Variants in LRRC63 observed in about 807,000 individuals in gnomAD.
The protein encoded by LRRC63 is leucine rich repeat containing 63, also known as leucine-rich repeat-containing protein 63.
A neutral mutation model predicts 49.5 loss-of-function variants in LRRC63; 40 were observed. That is an observed-to-expected ratio of 0.81 (90% CI 0.63 to 1.05). The LOEUF (loss-of-function observed/expected upper bound fraction) is 1.05. Among genes scored for constraint, LRRC63 ranks in the 50% least tolerant of loss-of-function variants. LRRC63 has a pLI of 0.00. For synonymous variants in LRRC63, 191 were observed against 221.1 expected (o/e 0.86, Z 1.21); for missense variants, 636 against 663.1 (o/e 0.96, Z 0.45).
chr13:46,273,321 G>A (rs2047784860), intron 9 of LRRC63, among the ~76,000 whole-genome samples: 1 of 152,078 alleles, frequency 6.6e-6, no homozygotes, highest in South Asian at 2.1e-4. Context: ...AAAGGGTAGT[G>A]GACCGGGCGC....
chr13:46,272,951 T>C (rs987286850), intron 9 of LRRC63, among the ~76,000 whole-genome samples: 9 of 152,188 alleles, frequency 5.9e-5, no homozygotes, highest in Admixed American at 6.5e-5. Flanking sequence ...AGAGCTTTAG[T>C]TATTCTAGGG....
intron 7 of LRRC63, among the ~76,000 whole-genome samples, chr13:46,257,512 T>A (rs2047532733): frequency 6.6e-6 from 1 of 152,108 alleles, no homozygotes; most frequent in African/African-American, 2.4e-5. Flanking sequence ...GAGGAGACAG[T>A]CAATATATGT....
intron 9 of LRRC63, among the ~76,000 whole-genome samples, chr13:46,271,912 T>G (rs2047764832): frequency 6.6e-6 from 1 of 151,996 alleles, no homozygotes; most frequent in Admixed American, 6.5e-5. Flanking sequence ...TTAGGCACAG[T>G]AAGAGATAAC....
chr13:46,266,192 A>C (rs944755369), intron 8 of LRRC63, among the ~76,000 whole-genome samples: 2 of 152,228 alleles, frequency 1.3e-5, no homozygotes, highest in Non-Finnish European at 2.9e-5. Context: ...AAGGCAAGTG[A>C]AAATAAGAAA....
chr13:46,258,067 T>C (rs2047544691), intron 7 of LRRC63, among the ~76,000 whole-genome samples: 1 of 151,906 alleles, frequency 6.6e-6, no homozygotes, highest in Non-Finnish European at 1.5e-5. Context: ...CAAGACACTT[T>C]CAGAGGCAAG....
chr13:46,268,722 A>T (rs1053444247), intron 9 of LRRC63, among the ~76,000 whole-genome samples: 8 of 151,718 alleles, frequency 5.3e-5, no homozygotes, highest in Non-Finnish European at 1.0e-4. Flanking sequence ...CAAAGGATGT[A>T]CATCAAAAAA....
intron 9 of LRRC63, among the ~76,000 whole-genome samples, chr13:46,274,694 AT>A (rs892469743): frequency 4.9e-4 from 75 of 152,130 alleles, no homozygotes; most frequent in African/African-American, 1.6e-3. Flanking sequence ...AATGATAGAA[AT>A]TTTTGTTTGT....
At chr13:46,259,366 T>C (rs1469506529) in intron 7 of LRRC63, among the ~76,000 whole-genome samples, 1 of 152,138 alleles carries the variant, frequency 6.6e-6, no homozygotes, top group African/African-American at 2.4e-5. Context: ...CCTGAGGTTA[T>C]GCAGAAACAA....
exon 10 of LRRC63, chr13:46,276,854 A>ATATATATATATATATT (rs1555330631): frequency 0.016 from 1,867 of 117,760 alleles, 33 homozygotes; most frequent in Non-Finnish European, 0.022. Flanking sequence ...ATATATATTT[A>ATATATATATATATATT]TATATATATA....
chr13:46,267,199 G>A (rs1354789315), intron 9 of LRRC63, among the ~76,000 whole-genome samples: 1 of 152,164 alleles, frequency 6.6e-6, no homozygotes, highest in Non-Finnish European at 1.5e-5. Context: ...CTTAAATCCA[G>A]TGTGAAATAT....
At chr13:46,248,942 AT>A in intron 6 of LRRC63, among the ~76,000 whole-genome samples, 1 of 151,994 alleles carries the variant, frequency 6.6e-6, no homozygotes, top group South Asian at 2.1e-4. Context: ...ACAAAAGTCT[AT>A]TTTTGGCTAC....
intron 5 of LRRC63, among the ~76,000 whole-genome samples, chr13:46,238,470 T>A (rs1230461): frequency 0.76 from 115,294 of 151,226 alleles, 45,109 homozygotes; most frequent in East Asian, 0.97. Context: ...GGTAATTTAT[T>A]AAAAAAAAAG....
intron 4 of LRRC63, among the ~76,000 whole-genome samples, chr13:46,231,388 G>A (rs957765517): frequency 1.3e-5 from 2 of 152,204 alleles, no homozygotes; most frequent in East Asian, 3.8e-4. Flanking sequence ...GCATTCCCTT[G>A]GCTTTTGGGG....
At chr13:46,271,955 A>AAAT (rs1219097240) in intron 9 of LRRC63, among the ~76,000 whole-genome samples, 2 of 152,086 alleles carry the variant, frequency 1.3e-5, no homozygotes, top group Non-Finnish European at 2.9e-5. Flanking sequence ...ATAACTAATA[A>AAAT]AATAATAATA....
intron 4 of LRRC63, among the ~76,000 whole-genome samples, chr13:46,230,475 A>G (rs2046716037): frequency 6.6e-6 from 1 of 152,186 alleles, no homozygotes; most frequent in Non-Finnish European, 1.5e-5. Flanking sequence ...AAACCTCAAA[A>G]GTAGGGAAGC....
intron 4 of LRRC63, among the ~76,000 whole-genome samples, chr13:46,231,999 T>C (rs2138426727): frequency 6.6e-6 from 1 of 151,206 alleles, no homozygotes; most frequent in Admixed American, 6.6e-5. Flanking sequence ...GTATTTTTAG[T>C]AGAGACGGGG....
At chr13:46,217,050 G>T (rs1320824723) in intron 2 of LRRC63, among the ~76,000 whole-genome samples, 2 of 152,166 alleles carry the variant, frequency 1.3e-5, no homozygotes, top group South Asian at 2.1e-4. Flanking sequence ...GTTCATCAGG[G>T]ATATTGGCCT....
intron 5 of LRRC63, among the ~76,000 whole-genome samples, chr13:46,235,115 T>TTA: frequency 6.6e-6 from 1 of 152,212 alleles, no homozygotes; most frequent in South Asian, 2.1e-4. Context: ...CACATTTCGC[T>TTA]GACCTCTAAA....
chr13:46,275,827 T>A (rs940283196), intron 9 of LRRC63, among the ~76,000 whole-genome samples: 1 of 152,182 alleles, frequency 6.6e-6, no homozygotes, highest in African/African-American at 2.4e-5. Context: ...CTATTTTTAT[T>A]TTTGTTGCTT....
Sources: gnomAD v4.1 joint callset for allele counts (sites outside exome capture counted in the v4.1 genomes callset) on GRCh38, gnomAD v4.1.1 for gene constraint, MANE v1.5 for transcripts, NCBI Gene and HGNC (gene_info 2026-07-23, HGNC 2026-07-21) for gene names.